The following TMEM170A variants were observed in gnomAD, a reference collection of about 807,000 sequenced individuals.
The protein encoded by TMEM170A is transmembrane protein 170.
A neutral mutation model predicts 12.8 loss-of-function variants in TMEM170A; 18 were observed. That is an observed-to-expected ratio of 1.41 (90% CI 0.97 to 2.09). The LOEUF is 2.09. Ranked by LOEUF, TMEM170A falls within the 30% of genes most tolerant of loss-of-function variation. The probability of loss-of-function intolerance (pLI) is 0.00; values close to 1 mark genes in which losing one functional copy is unlikely to be tolerated. For synonymous variants in TMEM170A, 107 were observed against 76.2 expected, an observed-to-expected ratio of 1.40 and a Z score of -2.11; for missense variants, 220 against 179.9, an observed-to-expected ratio of 1.22 and a Z score of -1.28.
At chr16:75,456,329 C>T (rs1348082349) in intron 1 of TMEM170A, among the ~76,000 whole-genome samples, 1 of 152,100 alleles carries the variant, frequency 6.6e-6, no homozygotes, top group African/African-American at 2.4e-5. Flanking sequence ...TGGGTCACAT[C>T]TGTAATACCA....
In TMEM170A at chr16:75,443,848, G is replaced by A. The variant is rs1178820750; in HGVS notation, c.*3710C>T. ...TCATGTCTATAGTCCCATCACGTTGGGAGGCCGAGGCGGGTGGATCACTTG... is the reference window on the plus strand; with the variant it reads ...TCATGTCTATAGTCCCATCACGTTGAGAGGCCGAGGCGGGTGGATCACTTG... On this transcript the variant is annotated 3_prime_UTR_variant, in exon 3 of 3. Transcript: ENST00000561878. The A allele has an allele frequency of 6.6e-6, 1 of 152,204 alleles. No homozygotes were observed. The highest frequency in any genetic ancestry group is 1.5e-5 in the Non-Finnish European group (1 of 68,054). 9.4% of individuals were successfully genotyped at this position (152,204 alleles called of 1,614,324 possible). A position where few individuals can be genotyped will look rare whatever the true frequency, so the allele number is the denominator to read the frequency against.
chr16:75,454,145 A>C (rs1423519451), intron 1 of TMEM170A, among the ~76,000 whole-genome samples: 1 of 146,630 alleles, frequency 6.8e-6, no homozygotes, highest in Non-Finnish European at 1.6e-5. Context: ...GGACCAGATA[A>C]CTTTTCATTG....
At chr16:75,453,884 C>A (rs1287903802) in intron 1 of TMEM170A, among the ~76,000 whole-genome samples, 2 of 152,214 alleles carry the variant, frequency 1.3e-5, no homozygotes, top group Non-Finnish European at 2.9e-5. Flanking sequence ...AACCATCCTG[C>A]TGGAATGTGA....
rs201356522 is a variant in TMEM170A at position 75,464,532 on chromosome 16, C to T, written c.69G>A (p.Lys23=). 2.2e-4 allele frequency: 357 copies of T among 1,588,898 alleles called. No individual in the cohort carries two copies. The highest frequency in any genetic ancestry group is 2.8e-4 in the Non-Finnish European group (328 of 1,170,116). ...TCCCGTTGCCCACCCGCGGCACAAC[C>T]TTCAGGCTCAGGATCTGCTGCAGGA... ...AGLLQQILSL[K]VVPRVGNGTL... Residue 23 remains lysine, a synonymous_variant, in exon 1 of 3, where the codon AAG becomes AAA. Coordinates refer to ENST00000561878, the MANE Select transcript of TMEM170A (RefSeq NM_145254.3).
chr16:75,450,951 T>C (rs898492028), intron 2 of TMEM170A, among the ~76,000 whole-genome samples: 17 of 151,972 alleles, frequency 1.1e-4, no homozygotes, highest in African/African-American at 3.1e-4. Context: ...CATGAGCCAC[T>C]ACACCTGGCA....
chr16:75,453,384 A>G lies in TMEM170A; in HGVS notation c.134-1545T>C, dbSNP rs187014367. On this transcript the variant is annotated intron_variant, in intron 1 of 2. Coordinates refer to ENST00000561878, the MANE Select transcript of TMEM170A (RefSeq NM_145254.3). Reference sequence around the variant, plus strand: ...GGGAGGCAGAGGTTGCAGTAAGTCAAGATCATGCTACTGCACTCCTGCCTG... The same window carrying G: ...GGGAGGCAGAGGTTGCAGTAAGTCAGGATCATGCTACTGCACTCCTGCCTG... Among the ~76,000 whole-genome samples the G allele has an allele frequency of 2.6e-5, 4 of 152,340 alleles. No individual in the cohort carries two copies. The East Asian group carries it at 7.7e-4, about 29-fold the overall frequency.
chr16:75,457,439 C>T (rs2079819874), intron 1 of TMEM170A, among the ~76,000 whole-genome samples: 2 of 151,758 alleles, frequency 1.3e-5, no homozygotes, highest in Non-Finnish European at 2.9e-5. Context: ...CTCTTGATAC[C>T]TCTCTCTCTC....
Position 75,451,979 on chromosome 16 carries a change from A to G in TMEM170A, c.134-140T>C, listed in dbSNP as rs933031331. The G allele has an allele frequency of 1.6e-5, 13 of 835,008 alleles. No individual in the cohort carries two copies. In the African/African-American group the frequency reaches 2.1e-4, roughly 13 times the overall value. The allele number at this position is 835,008 out of a possible 1,614,324, so 51.7% of individuals were successfully genotyped here. A position where few individuals can be genotyped will look rare whatever the true frequency, so the allele number is the denominator to read the frequency against. On this transcript the variant is annotated intron_variant, in intron 1 of 2. Coordinates refer to ENST00000561878, the MANE Select transcript of TMEM170A (RefSeq NM_145254.3). Reference sequence around the variant, plus strand: ...TTTTTGAAAAATTTTTATTATTTTTAATTTTTTTTTGAGACGGAGTCTCGC... The same window carrying G: ...TTTTTGAAAAATTTTTATTATTTTTGATTTTTTTTTGAGACGGAGTCTCGC...
chr16:75,443,824 C>T lies in TMEM170A; in HGVS notation c.*3734G>A, dbSNP rs2079538524. ...ATCAAGAAGGCCAAGCATGATGGCT[C>T]ATGTCTATAGTCCCATCACGTTGGG... On this transcript the variant is annotated 3_prime_UTR_variant, in exon 3 of 3. Transcript: ENST00000561878. The T allele has an allele frequency of 6.6e-6, 1 of 152,172 alleles. No homozygotes were observed. Among genetic ancestry groups the T allele is most frequent in the African/African-American group, 2.4e-5 (1 of 41,434 alleles). The allele number at this position is 152,172 out of a possible 1,614,324, so 9.4% of individuals were successfully genotyped here.
At position 75,464,616 on chromosome 16, in the gene TMEM170A, C is replaced by T. The variant is rs1306860520; in HGVS notation, c.-16G>A. On this transcript the variant is annotated 5_prime_UTR_variant, in exon 1 of 3. Coordinates refer to ENST00000561878, the MANE Select transcript of TMEM170A (RefSeq NM_145254.3). ...CGCGCTCCATCCCGTCGCCATTCAC[C>T]ACAGAGAAATGAGGGACGAGCGCCC... 1.3e-6 allele frequency: 2 copies of T among 1,576,502 alleles called. No individual in the cohort carries two copies. Among genetic ancestry groups the T allele is most frequent in the South Asian group, 2.3e-5 (2 of 87,430 alleles).
At chr16:75,449,262 TG>T (rs2079638123) in intron 2 of TMEM170A, among the ~76,000 whole-genome samples, 2 of 151,964 alleles carry the variant, frequency 1.3e-5, no homozygotes, top group African/African-American at 2.4e-5. Flanking sequence ...GGAATCTAGC[TG>T]GGGACACAAG....
intron 1 of TMEM170A, among the ~76,000 whole-genome samples, chr16:75,463,840 G>A (rs946586644): frequency 6.6e-6 from 1 of 152,250 alleles, no homozygotes; most frequent in Non-Finnish European, 1.5e-5. Context: ...CGGGGAGGAA[G>A]AGTTCAAAGG....
Position 75,443,094 on chromosome 16 carries a change from A to G in TMEM170A, c.*4464T>C, listed in dbSNP as rs1471959317. On this transcript the variant is annotated 3_prime_UTR_variant, in exon 3 of 3. Transcript: ENST00000561878. ...CGGTTTAATCACAACTTTGAACAAG[A>G]ATTTTATCATAAATTAGTAAGAAGT... 6.6e-6 allele frequency: 1 copy of G among 152,170 alleles called. No individual in the cohort carries two copies. The highest frequency in any genetic ancestry group is 1.5e-5 in the Non-Finnish European group (1 of 68,036). The allele number at this position is 152,170 out of a possible 1,614,324, so 9.4% of individuals were successfully genotyped here.
rs2079964928 is a variant in TMEM170A, at chr16:75,464,547, C to A, written c.54G>T (p.Gln18His). The change falls in exon 1 of 3, where the codon CAG becomes CAT. Residue 18 changes from glutamine to histidine, a missense_variant. Physicochemically the swap from Gln to His is conservative, Grantham distance 24. Transcript: ENST00000561878. ...GCGGCACAACCTTCAGGCTCAGGATCTGCTGCAGGAGCCCGGCCGACCCGC... is the reference window on the plus strand; with the variant it reads ...GCGGCACAACCTTCAGGCTCAGGATATGCTGCAGGAGCCCGGCCGACCCGC... ...GSGGSAGLLQ[Q>H]ILSLKVVPRV... The A allele has an allele frequency of 1.3e-6, 2 of 1,589,238 alleles. No individual in the cohort carries two copies. The highest frequency in any genetic ancestry group is 1.7e-6 in the Non-Finnish European group (2 of 1,170,362).
intron 1 of TMEM170A, among the ~76,000 whole-genome samples, chr16:75,457,770 C>CA (rs1285871963): frequency 6.6e-6 from 1 of 152,192 alleles, no homozygotes; most frequent in Non-Finnish European, 1.5e-5. Context: ...AGCAGGCCAA[C>CA]ACCTCTCTGA....
chr16:75,452,047 C>G (rs921224099), intron 1 of TMEM170A, among the ~76,000 whole-genome samples: 3 of 152,196 alleles, frequency 2.0e-5, no homozygotes, highest in African/African-American at 7.2e-5. Flanking sequence ...TCTCGGCTCA[C>G]TGCAAGCTCT....
chr16:75,451,435 G>T (rs990659284), intron 2 of TMEM170A: 2 of 601,174 alleles, frequency 3.3e-6, no homozygotes, highest in Non-Finnish European at 5.9e-6. Context: ...TGTAGTCCAA[G>T]CTTCTTGGGA....
chr16:75,452,291 C>T (rs772851923), intron 1 of TMEM170A, among the ~76,000 whole-genome samples: 2 of 151,436 alleles, frequency 1.3e-5, no homozygotes, highest in East Asian at 2.0e-4. Flanking sequence ...TTTTTAAAGA[C>T]GGGGTCTCAC....
chr16:75,456,245 C>T (rs2079793627), intron 1 of TMEM170A, among the ~76,000 whole-genome samples: 1 of 152,008 alleles, frequency 6.6e-6, no homozygotes, highest in Non-Finnish European at 1.5e-5. Context: ...ATAAATGGTT[C>T]TCGGTGAAAA....
Sources: gnomAD v4.1 joint callset for allele counts (sites outside exome capture counted in the v4.1 genomes callset) on GRCh38, gnomAD v4.1.1 for gene constraint, MANE v1.5 for transcripts, NCBI Gene and HGNC (gene_info 2026-07-23, HGNC 2026-07-21) for gene names.